The following SAMD3 variants were observed in gnomAD, a reference collection of about 807,000 sequenced individuals.
SAMD3 encodes sterile alpha motif domain-containing protein 3.
Under a neutral mutation model 58.5 loss-of-function variants are expected in SAMD3, and 63 were observed. The observed-to-expected ratio is 1.08, with a 90% CI of 0.88 to 1.33. The LOEUF is 1.33. Among genes scored for constraint, SAMD3 ranks in the 40% most tolerant of loss-of-function variants. The pLI, the probability that SAMD3 is intolerant of heterozygous loss-of-function variation, is 0.00. For missense variants in SAMD3, 604 were observed against 608.4 expected, an observed-to-expected ratio of 0.99 and a Z score of 0.08; for synonymous variants, 220 against 210.3, an observed-to-expected ratio of 1.05 and a Z score of -0.40.
intron 2 of SAMD3, among the ~76,000 whole-genome samples, chr6:130,263,883 G>C (rs897082856): frequency 5.9e-5 from 9 of 152,128 alleles, no homozygotes; most frequent in Admixed American, 3.9e-4. Flanking sequence ...TCATGCCATA[G>C]TTGGTCCAAC....
intron 2 of SAMD3, among the ~76,000 whole-genome samples, chr6:130,280,396 T>A (rs12206502): frequency 6.6e-6 from 1 of 151,954 alleles, no homozygotes; most frequent in African/African-American, 2.4e-5. Context: ...TATTTTCCTG[T>A]CCCCTCCGGC....
At chr6:130,293,831 G>C (rs1027976658) in intron 2 of SAMD3, among the ~76,000 whole-genome samples, 1 of 151,760 alleles carries the variant, frequency 6.6e-6, no homozygotes, top group Non-Finnish European at 1.5e-5. Flanking sequence ...AGTTTGTCTC[G>C]TGAGTCTCTA....
intron 5 of SAMD3, among the ~76,000 whole-genome samples, chr6:130,197,283 A>G (rs1258786772): frequency 6.6e-6 from 1 of 152,190 alleles, no homozygotes; most frequent in East Asian, 1.9e-4. Context: ...CTGTCTAGTC[A>G]TACTCTTATT....
At chr6:130,274,449 A>G (rs11154557) in intron 2 of SAMD3, among the ~76,000 whole-genome samples, 47,284 of 152,012 alleles carry the variant, frequency 0.31, 7,734 homozygotes, top group East Asian at 0.47. Context: ...GTCCTTCCAT[A>G]TTTTAGTCGA....
chr6:130,309,407 T>C (rs1197741467), intron 2 of SAMD3, among the ~76,000 whole-genome samples: 1 of 152,234 alleles, frequency 6.6e-6, no homozygotes, highest in Non-Finnish European at 1.5e-5. Context: ...CAGATGGTAT[T>C]ATATTTAATA....
At chr6:130,257,991 T>A (rs1022868966) in intron 2 of SAMD3, among the ~76,000 whole-genome samples, 1 of 152,172 alleles carries the variant, frequency 6.6e-6, no homozygotes, top group African/African-American at 2.4e-5. Flanking sequence ...TTCTGTTTGT[T>A]CATGTTCATA....
chr6:130,206,931 G>T (rs1795134487), intron 5 of SAMD3, among the ~76,000 whole-genome samples: 1 of 152,050 alleles, frequency 6.6e-6, no homozygotes, highest in Non-Finnish European at 1.5e-5. Context: ...AAATGTCAGA[G>T]GGCTTAGAAA....
intron 1 of SAMD3, among the ~76,000 whole-genome samples, chr6:130,314,663 C>G (rs1039617659): frequency 2.6e-5 from 4 of 152,070 alleles, no homozygotes; most frequent in Admixed American, 6.6e-5. Context: ...AATTTAATTT[C>G]AATAATTAAC....
intron 2 of SAMD3, among the ~76,000 whole-genome samples, chr6:130,311,929 C>A (rs962199792): frequency 6.6e-6 from 1 of 152,050 alleles, no homozygotes; most frequent in Non-Finnish European, 1.5e-5. Flanking sequence ...GAAGTACCAG[C>A]GAGAGAAGGA....
chr6:130,217,902 G>A (rs145804290), intron 1 of SAMD3, among the ~76,000 whole-genome samples: 1 of 152,262 alleles, frequency 6.6e-6, no homozygotes, highest in Non-Finnish European at 1.5e-5. Context: ...ATCTCCTACC[G>A]TGGCTGAACT....
At position 130,221,001 on chromosome 6, in the gene SAMD3, C is replaced by A. The variant is rs1178868923; in HGVS notation, c.-68+1693G>T. 9.2e-5 allele frequency among the ~76,000 whole-genome samples: 14 copies of A among 152,228 alleles called. No homozygotes were observed. In the East Asian group the frequency reaches 2.3e-3, roughly 25 times the overall value. ...CCCGAGTAGCTGGGACTACGGGTGC[C>A]CACCACCACGCCCAGCTAATTTTTT... On this transcript the variant is annotated intron_variant, in intron 1 of 11. Transcript: ENST00000439090.
chr6:130,343,254 C>T (rs901286486), intron 1 of SAMD3, among the ~76,000 whole-genome samples: 1 of 151,886 alleles, frequency 6.6e-6, no homozygotes, highest in African/African-American at 2.4e-5. Flanking sequence ...CAAGTCTCCA[C>T]AAATCGGGAT....
At chr6:130,147,782 G>A (rs1386593333) in intron 9 of SAMD3, among the ~76,000 whole-genome samples, 5 of 152,132 alleles carry the variant, frequency 3.3e-5, no homozygotes, top group South Asian at 2.1e-4. Context: ...TAGATACCAC[G>A]CCTCTCTAGT....
intron 5 of SAMD3, among the ~76,000 whole-genome samples, chr6:130,197,747 C>G (rs1794276913): frequency 6.6e-6 from 1 of 152,108 alleles, no homozygotes; most frequent in Admixed American, 6.6e-5. Context: ...ATACCATCCC[C>G]CAAAATTTTC....
At chr6:130,151,808 A>T (rs1416427721) in intron 9 of SAMD3, among the ~76,000 whole-genome samples, 3 of 152,042 alleles carry the variant, frequency 2.0e-5, no homozygotes, top group Non-Finnish European at 4.4e-5. Context: ...AGAGATGATG[A>T]TTGAAATTGT....
At chr6:130,229,326 C>A (rs1017117104) in intron 2 of SAMD3, among the ~76,000 whole-genome samples, 1 of 152,202 alleles carries the variant, frequency 6.6e-6, no homozygotes, top group Non-Finnish European at 1.5e-5. Context: ...ATTCCCAATG[C>A]CTTAGCAGCG....
chr6:130,314,912 T>C (rs1776308626), intron 1 of SAMD3, among the ~76,000 whole-genome samples: 1 of 152,226 alleles, frequency 6.6e-6, no homozygotes, highest in Non-Finnish European at 1.5e-5. Context: ...TAAGCAGTGC[T>C]TTCTGAATAC....
chr6:130,168,859 G>A (rs759859198), intron 8 of SAMD3, among the ~76,000 whole-genome samples: 1 of 152,144 alleles, frequency 6.6e-6, no homozygotes, highest in Non-Finnish European at 1.5e-5. Context: ...CTAGAGTGCA[G>A]TGGTGCATTC....
At chr6:130,286,915 GC>G (rs1554271008) in intron 2 of SAMD3, among the ~76,000 whole-genome samples, 2 of 152,114 alleles carry the variant, frequency 1.3e-5, no homozygotes, top group Non-Finnish European at 2.9e-5. Context: ...TCACCATGCT[GC>G]CCAGACTGGT....
Sources: gnomAD v4.1 joint callset for allele counts (sites outside exome capture counted in the v4.1 genomes callset) on GRCh38, gnomAD v4.1.1 for gene constraint, MANE v1.5 for transcripts, NCBI Gene and HGNC (gene_info 2026-07-23, HGNC 2026-07-21) for gene names.